The following GPR139 variants were observed in gnomAD, a reference collection of about 807,000 sequenced individuals.
GPR139 encodes the protein probable G protein-coupled receptor 139.
In GPR139, 12 loss-of-function variants were observed where a neutral mutation model predicts 25.8. The ratio of observed to expected loss-of-function variants is 0.47; its 90% CI spans 0.30 to 0.75. The LOEUF (loss-of-function observed/expected upper bound fraction) is 0.75. Ranked by LOEUF, GPR139 falls within the 30% of genes least tolerant of loss-of-function variation. The pLI, the probability that GPR139 is intolerant of heterozygous loss-of-function variation, is 0.07. For missense variants in GPR139, 380 were observed against 450.2 expected (o/e 0.84, Z 1.41); for synonymous variants, 184 against 179.9 (o/e 1.02, Z -0.18).
At chr16:20,035,373 A>T (rs1045239718) in intron 1 of GPR139, among the ~76,000 whole-genome samples, 3 of 152,204 alleles carry the variant, frequency 2.0e-5, no homozygotes, top group Non-Finnish European at 2.9e-5. Context: ...GTAGAGAAAA[A>T]TGGTGAGTAT....
chr16:20,032,289 A>G lies in GPR139; in HGVS notation c.508T>C (p.Trp170Arg), dbSNP rs1272020019. The G allele has an allele frequency of 1.2e-6, 2 of 1,614,092 alleles. No individual in the cohort carries two copies. Among genetic ancestry groups the G allele is most frequent in the African/African-American group, 2.7e-5 (2 of 74,938 alleles). The change falls in exon 2 of 2, where the codon TGG becomes CGG. Residue 170 changes from tryptophan to arginine, a missense_variant. Physicochemically the swap from Trp to Arg is moderately radical, Grantham distance 101. Transcript: ENST00000570682. ...GAGGTGCTGATGTAGTCTTCAGTCC[A>G]GATGTTGGGCCACCAGTAATAGGGG... Reference protein sequence around the residue: ...SIPYYWWPNIWTEDYISTSVH... With the variant: ...SIPYYWWPNIRTEDYISTSVH...
At chr16:20,063,230 A>T (rs1377012022) in intron 1 of GPR139, among the ~76,000 whole-genome samples, 3 of 152,240 alleles carry the variant, frequency 2.0e-5, no homozygotes, top group Middle Eastern at 3.2e-3. Flanking sequence ...TGTTGTAAAC[A>T]GGAGGTAGTC....
rs780288136 is a variant in GPR139, at chr16:20,032,662, G to T, written c.135C>A (p.Ile45=). 1 of 1,601,962 alleles carries T rather than the reference G, an allele frequency of 6.2e-7. No individual in the cohort carries two copies. Among genetic ancestry groups the T allele is most frequent in the South Asian group, 1.1e-5 (1 of 90,626 alleles). The change falls in exon 2 of 2, where the codon ATC becomes ATA. Residue 45 remains isoleucine (I), a synonymous_variant. Transcript: ENST00000570682. ...LLLCLGLPAN[I]LTVIILSQLV... is the part of the protein sequence containing the mutation. ...GCTGGGAGAGGATGATCACTGTCAA[G>T]ATATTTGCTGTGGAGAGAAGAAAAA... is the stretch of plus-strand genomic sequence containing the variant.
chr16:20,040,996 C>G (rs1389068741), intron 1 of GPR139, among the ~76,000 whole-genome samples: 2 of 151,220 alleles, frequency 1.3e-5, no homozygotes, highest in Non-Finnish European at 2.9e-5. Context: ...AGTCACAATC[C>G]CCTGTGACTT....
chr16:20,069,772 C>T (rs1165579538), intron 1 of GPR139, among the ~76,000 whole-genome samples: 1 of 152,178 alleles, frequency 6.6e-6, no homozygotes. Flanking sequence ...AGCTGGCCCA[C>T]CCATCCTCCC....
intron 1 of GPR139, among the ~76,000 whole-genome samples, chr16:20,040,966 A>G (rs989722878): frequency 2.0e-5 from 3 of 151,620 alleles, no homozygotes; most frequent in African/African-American, 4.9e-5. Context: ...TTCTGAAAAA[A>G]GAAGCCACTT....
At chr16:20,067,636 C>A (rs978360107) in intron 1 of GPR139, among the ~76,000 whole-genome samples, 1 of 151,962 alleles carries the variant, frequency 6.6e-6, no homozygotes, top group African/African-American at 2.4e-5. Context: ...GAAACCCCGT[C>A]TCTACTAAAA....
At chr16:20,058,285 G>A (rs2057398370) in intron 1 of GPR139, among the ~76,000 whole-genome samples, 1 of 152,138 alleles carries the variant, frequency 6.6e-6, no homozygotes, top group South Asian at 2.1e-4. Flanking sequence ...CATTTAGAAT[G>A]GCTGGAGAGG....
intron 1 of GPR139, among the ~76,000 whole-genome samples, chr16:20,048,577 C>G (rs1284320099): frequency 6.6e-6 from 1 of 152,208 alleles, no homozygotes; most frequent in Non-Finnish European, 1.5e-5. Context: ...GTGGGCACTT[C>G]CGGTGAGCAG....
At chr16:20,057,046 A>C (rs1275692075) in intron 1 of GPR139, among the ~76,000 whole-genome samples, 1 of 152,186 alleles carries the variant, frequency 6.6e-6, no homozygotes, top group East Asian at 1.9e-4. Flanking sequence ...AGTTCCTTGA[A>C]ACAGCTGCAA....
At chr16:20,037,517 G>A (rs149410194) in intron 1 of GPR139, among the ~76,000 whole-genome samples, 8 of 152,206 alleles carry the variant, frequency 5.3e-5, no homozygotes, top group African/African-American at 1.9e-4. Context: ...AGTATTTGTG[G>A]GAAAAGGATT....
At chr16:20,046,825 T>C (rs548270053) in intron 1 of GPR139, among the ~76,000 whole-genome samples, 17 of 152,060 alleles carry the variant, frequency 1.1e-4, no homozygotes, top group African/African-American at 4.1e-4. Context: ...TCCCAGCACT[T>C]TGGGAGGCTG....
At chr16:20,049,903 C>A (rs56113503) in intron 1 of GPR139, among the ~76,000 whole-genome samples, 12,403 of 152,234 alleles carry the variant, frequency 0.081, 593 homozygotes, top group Non-Finnish European at 0.11. Flanking sequence ...GGTTGTTCAC[C>A]AACCCAACCT....
chr16:20,035,692 C>T (rs143483908), intron 1 of GPR139, among the ~76,000 whole-genome samples: 1 of 152,040 alleles, frequency 6.6e-6, no homozygotes, highest in Non-Finnish European at 1.5e-5. Flanking sequence ...ATTTGGAAGA[C>T]CAGGAAGAGG....
chr16:20,064,079 A>G (rs1035645546), intron 1 of GPR139, among the ~76,000 whole-genome samples: 4 of 152,202 alleles, frequency 2.6e-5, no homozygotes, highest in Non-Finnish European at 5.9e-5. Context: ...ACTTTCTATC[A>G]TGAGAAAAGA....
At chr16:20,071,962 G>T (rs1202383422) in intron 1 of GPR139, among the ~76,000 whole-genome samples, 2 of 152,122 alleles carry the variant, frequency 1.3e-5, no homozygotes, top group Admixed American at 6.5e-5. Flanking sequence ...GGGGGAAAGA[G>T]GTTCTTACAC....
In GPR139 at chr16:20,028,549, TTTA is replaced by T. The variant is rs1461405625; in HGVS notation, c.*3183_*3185del. Reference sequence around the variant, plus strand: ...ACTGGAATAGCCAACATTAGAGTCTTTTATTCACTTCGGGTAGGCTCCCCATGT... The same window carrying T: ...ACTGGAATAGCCAACATTAGAGTCTTTTCACTTCGGGTAGGCTCCCCATGT... On this transcript the variant is annotated 3_prime_UTR_variant, in exon 2 of 2. Coordinates refer to ENST00000570682, the MANE Select transcript of GPR139 (RefSeq NM_001002911.4). Among the ~76,000 whole-genome samples, 1 of 152,174 alleles carries T rather than the reference TTTA, an allele frequency of 6.6e-6. No homozygotes were observed. The highest frequency in any genetic ancestry group is 1.9e-4 in the East Asian group (1 of 5,194).
Position 20,058,829 on chromosome 16 carries a change from A to G in GPR139, c.127+14661T>C, listed in dbSNP as rs895200771. ...TCAGGCCCTTGTTTTCTCTCTGTTC[A>G]GGATTCTTACAGCTGACAGCTAGGT... On this transcript the variant is annotated intron_variant, in intron 1 of 1. Coordinates refer to ENST00000570682, the MANE Select transcript of GPR139 (RefSeq NM_001002911.4). 2.2e-4 allele frequency among the ~76,000 whole-genome samples: 34 copies of G among 152,288 alleles called. 1 individual carries two copies. The highest frequency in any genetic ancestry group is 3.1e-4 in the Non-Finnish European group (21 of 68,020).
chr16:20,041,474 A>G (rs966149608), intron 1 of GPR139, among the ~76,000 whole-genome samples: 20 of 151,826 alleles, frequency 1.3e-4, no homozygotes, highest in Admixed American at 2.6e-4. Context: ...GCTGAGGGGT[A>G]GAGACCGAAT....
Sources: allele counts gnomAD v4.1 joint callset (sites outside exome capture counted in the v4.1 genomes callset), GRCh38; gene constraint gnomAD v4.1.1; transcripts MANE v1.5; gene names NCBI Gene and HGNC (gene_info 2026-07-23, HGNC 2026-07-21).